Variants in ZNRF1 observed in about 807,000 individuals in gnomAD.
The protein encoded by ZNRF1 is zinc and ring finger 1, also known as E3 ubiquitin-protein ligase ZNRF1.
In ZNRF1, 3 loss-of-function variants were observed where a neutral mutation model predicts 18.4. The observed-to-expected ratio is 0.16, with a 90% confidence interval of 0.07 to 0.42. The LOEUF (loss-of-function observed/expected upper bound fraction) is 0.42. ZNRF1 is among the 10% of genes least tolerant of loss of function. The pLI is 0.99. For synonymous variants in ZNRF1, 157 were observed against 144.2 expected, an observed-to-expected ratio of 1.09 and a Z score of -0.64; for missense variants, 310 against 329.8, an observed-to-expected ratio of 0.94 and a Z score of 0.47.
chr16:75,039,916 T>TA (rs1311737929), intron 1 of ZNRF1, among the ~76,000 whole-genome samples: 1 of 152,226 alleles, frequency 6.6e-6, no homozygotes, highest in African/African-American at 2.4e-5. Flanking sequence ...TATTGGTTGT[T>TA]ACTGTTTTGA....
intron 2 of ZNRF1, among the ~76,000 whole-genome samples, chr16:75,102,873 G>A (rs1252527282): frequency 3.9e-5 from 6 of 152,098 alleles, no homozygotes; most frequent in Non-Finnish European, 7.4e-5. Flanking sequence ...GCCCTCATCC[G>A]CACACGCAGG....
chr16:75,064,940 A>G (rs1324567241), intron 1 of ZNRF1, among the ~76,000 whole-genome samples: 2 of 152,210 alleles, frequency 1.3e-5, no homozygotes, highest in East Asian at 1.9e-4. Context: ...CACAGGGCCC[A>G]GCAAACTGGC....
intron 1 of ZNRF1, among the ~76,000 whole-genome samples, chr16:75,085,960 G>A (rs951940931): frequency 4.6e-5 from 7 of 152,058 alleles, no homozygotes; most frequent in African/African-American, 1.7e-4. Context: ...TCCAGTTCGA[G>A]TTTGAAGGCC....
At chr16:75,023,522 A>G (rs912989623) in intron 1 of ZNRF1, among the ~76,000 whole-genome samples, 3 of 152,118 alleles carry the variant, frequency 2.0e-5, no homozygotes, top group Non-Finnish European at 4.4e-5. Flanking sequence ...CGTCTCTACT[A>G]AAAATACAAA....
intron 1 of ZNRF1, among the ~76,000 whole-genome samples, chr16:75,021,121 A>T (rs1382284139): frequency 6.6e-6 from 1 of 152,032 alleles, no homozygotes; most frequent in African/African-American, 2.4e-5. Flanking sequence ...GCTCAGTGCA[A>T]CGTCCACCTC....
At chr16:75,049,263 C>G (rs564320857) in intron 1 of ZNRF1, among the ~76,000 whole-genome samples, 3 of 152,230 alleles carry the variant, frequency 2.0e-5, no homozygotes, top group East Asian at 3.9e-4. Context: ...CTTTGGCCCC[C>G]CAAAGTGCTG....
At chr16:75,038,757 T>C (rs2035405576) in intron 1 of ZNRF1, among the ~76,000 whole-genome samples, 1 of 152,208 alleles carries the variant, frequency 6.6e-6, no homozygotes, top group African/African-American at 2.4e-5. Flanking sequence ...GTCTGGCTCT[T>C]TCTGTTTCAT....
rs557791182 is a variant in ZNRF1, at chr16:74,999,707, G to A, written c.36G>A (p.Arg12=). 2 of 1,364,324 alleles carry A rather than the reference G, an allele frequency of 1.5e-6. No individual in the cohort carries two copies. Among genetic ancestry groups the A allele is most frequent in the East Asian group, 3.0e-5 (1 of 32,942 alleles). The allele number at this position is 1,364,324 out of a possible 1,614,324, so 84.5% of individuals were successfully genotyped here. A position where few individuals can be genotyped will look rare whatever the true frequency, so the allele number is the denominator to read the frequency against. ...AGCAGAGCACGGCGGCCCGCTCCCG[G>A]GGCCCCTTCCCGGGGGTCTCCACCG... ...GGKQSTAARS[R]GPFPGVSTDD... The change falls in exon 1 of 5, where the codon CGG becomes CGA. Residue 12 remains arginine (R), a synonymous_variant. Transcript: ENST00000335325.
chr16:75,106,548 C>A lies in ZNRF1; in HGVS notation c.*9C>A, dbSNP rs1420313389. On this transcript the variant is annotated 3_prime_UTR_variant, in exon 4 of 5. Transcript: ENST00000335325. ...AACACCCTGCGGACTGACCTGCGGG[C>A]TTGCTTGCTGACTCCTCTCAAAGGT... 7 of 1,613,992 alleles carry A rather than the reference C, an allele frequency of 4.3e-6. No individual in the cohort carries two copies. Among genetic ancestry groups the A allele is most frequent in the Non-Finnish European group, 5.9e-6 (7 of 1,180,010 alleles).
At chr16:75,096,270 G>A (rs1366552813) in intron 2 of ZNRF1, among the ~76,000 whole-genome samples, 1 of 152,074 alleles carries the variant, frequency 6.6e-6, no homozygotes, top group Non-Finnish European at 1.5e-5. Context: ...CTGTTCATGT[G>A]GTATGGACTC....
intron 1 of ZNRF1, among the ~76,000 whole-genome samples, chr16:75,011,516 C>T (rs189980084): frequency 4.6e-5 from 7 of 152,194 alleles, no homozygotes; most frequent in South Asian, 2.1e-4. Flanking sequence ...TGTGGGCACA[C>T]GCCACCATGC....
At chr16:75,040,595 TG>T (rs202176372) in intron 1 of ZNRF1, among the ~76,000 whole-genome samples, 2 of 118,962 alleles carry the variant, frequency 1.7e-5, no homozygotes, top group South Asian at 2.8e-4. Context: ...TTGTTTTTTG[TG>T]GGTTTTTTTT....
intron 1 of ZNRF1, among the ~76,000 whole-genome samples, chr16:75,023,141 G>A (rs190990992): frequency 9.9e-5 from 15 of 152,264 alleles, no homozygotes; most frequent in African/African-American, 3.6e-4. Context: ...GAGGTGACTG[G>A]AGAAAAACAG....
chr16:75,107,678 G>A (rs536899185), intron 4 of ZNRF1, 55 bp from the exon 5 acceptor site: 79 of 456,134 alleles, frequency 1.7e-4, no homozygotes, highest in African/African-American at 1.4e-3. Flanking sequence ...GCCCTGGGAT[G>A]AGCAGACAGC....
chr16:75,055,177 T>G (rs2035652624), intron 1 of ZNRF1, among the ~76,000 whole-genome samples: 1 of 152,378 alleles, frequency 6.6e-6, no homozygotes, highest in South Asian at 2.1e-4. Flanking sequence ...GAACGTCATT[T>G]GGACTCTTTC....
chr16:75,091,130 A>T (rs1179947601), intron 1 of ZNRF1, among the ~76,000 whole-genome samples: 3 of 152,122 alleles, frequency 2.0e-5, no homozygotes, highest in Non-Finnish European at 2.9e-5. Flanking sequence ...AAGCTCAGGC[A>T]GGTAGATCAT....
Position 75,086,158 on chromosome 16 carries a change from A to G in ZNRF1, c.425-7414A>G, listed in dbSNP as rs548086993. Reference sequence around the variant, plus strand: ...GAGGGCGGTCCGCTTCACTCAGTCTATGGTTTCAAATGCTGATCTCATCTG... The same window carrying G: ...GAGGGCGGTCCGCTTCACTCAGTCTGTGGTTTCAAATGCTGATCTCATCTG... On this transcript the variant is annotated intron_variant, in intron 1 of 4. Coordinates refer to ENST00000335325, the MANE Select transcript of ZNRF1 (RefSeq NM_032268.5). 3.9e-5 allele frequency among the ~76,000 whole-genome samples: 6 copies of G among 152,252 alleles called. No individual in the cohort carries two copies. The South Asian group carries it at 6.2e-4, about 16-fold the overall frequency.
At chr16:75,059,717 G>A (rs980493466) in intron 1 of ZNRF1, among the ~76,000 whole-genome samples, 9 of 152,074 alleles carry the variant, frequency 5.9e-5, no homozygotes, top group Non-Finnish European at 1.2e-4. Context: ...CCAAAAGTTC[G>A]AAGTTTTTAC....
At position 74,999,050 on chromosome 16, in the gene ZNRF1, C is replaced by T. The variant is rs1344513990; in HGVS notation, c.-622C>T. On this transcript the variant is annotated 5_prime_UTR_variant, in exon 1 of 5. Transcript: ENST00000335325. The stretch of plus-strand genomic sequence containing the variant: ...TTGTCTCCACGGCGGCGAGGAGCGC[C>T]GGCGAGCGCAGCCCGGGACCGAGCG... 6.7e-6 allele frequency: 1 copy of T among 150,362 alleles called. No homozygotes were observed. Among genetic ancestry groups the T allele is most frequent in the Admixed American group, 6.6e-5 (1 of 15,104 alleles). The allele number at this position is 150,362 out of a possible 1,614,324, so 9.3% of individuals were successfully genotyped here. A position where few individuals can be genotyped will look rare whatever the true frequency, so the allele number is the denominator to read the frequency against.
Sources: allele counts gnomAD v4.1 joint callset (sites outside exome capture counted in the v4.1 genomes callset), GRCh38; gene constraint gnomAD v4.1.1; transcripts MANE v1.5; gene names NCBI Gene and HGNC (gene_info 2026-07-23, HGNC 2026-07-21).